The following SOX5 variants were observed in gnomAD, a reference collection of about 807,000 sequenced individuals.
SOX5 encodes SRY-box transcription factor 5, also known as transcription factor SOX-5.
SOX5 carries 9 observed loss-of-function variants against 92.0 expected under a neutral mutation model. The ratio of observed to expected loss-of-function variants is 0.10; its 90% CI spans 0.06 to 0.17. SOX5 has a LOEUF of 0.17. Ranked by LOEUF, SOX5 falls within the 10% of genes least tolerant of loss-of-function variation. The pLI is 1.00. For synonymous variants in SOX5, 344 were observed against 336.3 expected, an observed-to-expected ratio of 1.02 and a Z score of -0.25; for missense variants, 642 against 944.5, an observed-to-expected ratio of 0.68 and a Z score of 4.20.
chr12:23,739,945 T>C (rs867051845), intron 5 of SOX5, among the ~76,000 whole-genome samples: 1 of 152,226 alleles, frequency 6.6e-6, no homozygotes, highest in South Asian at 2.1e-4. Flanking sequence ...TTCTTTCCAC[T>C]AATATTTAAG....
At position 23,787,154 on chromosome 12, in the gene SOX5, G is replaced by A. The variant is rs1342600829; in HGVS notation, c.482-31430C>T. ...CATAATTTCTATACATCTTCAAATTGTAATTTAGAAGCATTAGATACTCAT... is the reference window on the plus strand; with the variant it reads ...CATAATTTCTATACATCTTCAAATTATAATTTAGAAGCATTAGATACTCAT... On this transcript the variant is annotated intron_variant, in intron 3 of 14. Transcript: ENST00000451604. Among the ~76,000 whole-genome samples, 2 of 110,832 alleles carry A rather than the reference G, an allele frequency of 1.8e-5. 1 individual carries two copies. The highest frequency in any genetic ancestry group is 4.1e-5 in the Non-Finnish European group (2 of 48,476). 72.7% of individuals were successfully genotyped at this position (110,832 alleles called of 152,430 possible).
At chr12:24,363,737 T>C (rs1159111966) in intron 2 of SOX5, among the ~76,000 whole-genome samples, 1 of 151,670 alleles carries the variant, frequency 6.6e-6, no homozygotes, top group Non-Finnish European at 1.5e-5. Context: ...AAAGTCTGAT[T>C]CATCTTAGGT....
chr12:24,340,197 G>C (rs559588725), intron 2 of SOX5, among the ~76,000 whole-genome samples: 2 of 152,088 alleles, frequency 1.3e-5, no homozygotes, highest in Non-Finnish European at 2.9e-5. Context: ...ACATACAAAC[G>C]TTTTTTTCTG....
intron 9 of SOX5, among the ~76,000 whole-genome samples, chr12:23,585,050 T>C (rs1330267859): frequency 1.3e-5 from 2 of 152,124 alleles, no homozygotes; most frequent in African/African-American, 2.4e-5. Context: ...GATTAATCAA[T>C]AACTAACTCG....
At chr12:23,620,457 C>A (rs1349179967) in intron 8 of SOX5, among the ~76,000 whole-genome samples, 1 of 151,944 alleles carries the variant, frequency 6.6e-6, no homozygotes, top group African/African-American at 2.4e-5. Context: ...CAGAATAAAT[C>A]TATATATATA....
intron 1 of SOX5, among the ~76,000 whole-genome samples, chr12:24,375,650 C>A (rs1427173526): frequency 6.6e-6 from 1 of 150,382 alleles, no homozygotes; most frequent in Non-Finnish European, 1.5e-5. Context: ...GCAGGAGAAT[C>A]GCTTGAACCC....
At chr12:24,493,722 G>A (rs1469114787) in intron 1 of SOX5, among the ~76,000 whole-genome samples, 1 of 152,032 alleles carries the variant, frequency 6.6e-6, no homozygotes, top group African/African-American at 2.4e-5. Context: ...AAATTAGCCG[G>A]GTGTGGTGGT....
intron 2 of SOX5, among the ~76,000 whole-genome samples, chr12:23,856,425 T>C (rs757780781): frequency 1.3e-5 from 2 of 152,140 alleles, no homozygotes; most frequent in African/African-American, 4.8e-5. Flanking sequence ...TTAAAGGCAC[T>C]GTTGCAAATG....
chr12:23,871,963 A>G (rs1331350618), intron 2 of SOX5, among the ~76,000 whole-genome samples: 4 of 150,730 alleles, frequency 2.7e-5, no homozygotes, highest in African/African-American at 9.7e-5. Context: ...GCAAAGCTCC[A>G]TTTAACACAA....
intron 3 of SOX5, among the ~76,000 whole-genome samples, chr12:23,805,088 T>A (rs1163591967): frequency 6.6e-6 from 1 of 150,994 alleles, no homozygotes; most frequent in African/African-American, 2.4e-5. Flanking sequence ...ATCTGTGGAA[T>A]GAAAGAAGGA....
chr12:24,242,896 G>A (rs1188860950), intron 3 of SOX5, among the ~76,000 whole-genome samples: 1 of 152,096 alleles, frequency 6.6e-6, no homozygotes, highest in Non-Finnish European at 1.5e-5. Flanking sequence ...AAGTGTATAT[G>A]TACAAAAATA....
intron 3 of SOX5, among the ~76,000 whole-genome samples, chr12:24,271,628 C>A (rs896856545): frequency 6.6e-6 from 1 of 152,212 alleles, no homozygotes; most frequent in East Asian, 1.9e-4. Flanking sequence ...ACTTAGGTTT[C>A]GGCCAACTAA....
In SOX5 at chr12:23,599,792, A is replaced by G. The variant is rs954047374; in HGVS notation, c.1164+4595T>C. The stretch of plus-strand genomic sequence containing the variant: ...GAGCTGTGTGTGAAACTGAGTCTAA[A>G]TACTCTTCCTCCTAAAATAACTCTT... On this transcript the variant is annotated intron_variant, in intron 9 of 14. Transcript: ENST00000451604. Among the ~76,000 whole-genome samples, 3 of 149,202 alleles carry G rather than the reference A, an allele frequency of 2.0e-5. No individual in the cohort carries two copies. In the East Asian group the frequency reaches 5.8e-4, roughly 29 times the overall value.
intron 1 of SOX5, among the ~76,000 whole-genome samples, chr12:23,945,101 G>A (rs555083876): frequency 6.6e-6 from 1 of 152,224 alleles, no homozygotes; most frequent in Non-Finnish European, 1.5e-5. Flanking sequence ...ATAGTGGAGA[G>A]AAAACAGACA....
chr12:23,561,217 A>T (rs1946137906), intron 11 of SOX5, among the ~76,000 whole-genome samples: 1 of 152,218 alleles, frequency 6.6e-6, no homozygotes, highest in Non-Finnish European at 1.5e-5. Context: ...AAATTGAAGC[A>T]GTAGCTATCA....
At chr12:23,980,306 T>C (rs946006614) in intron 4 of SOX5, among the ~76,000 whole-genome samples, 4 of 152,192 alleles carry the variant, frequency 2.6e-5, no homozygotes, top group Admixed American at 2.6e-4. Flanking sequence ...AAGTATCTTT[T>C]TTCTTCCTAA....
rs147196646 is a variant in SOX5 at position 23,939,099 on chromosome 12, T to C, written c.38+10465A>G. Among the ~76,000 whole-genome samples, 6 of 151,184 alleles carry C rather than the reference T, an allele frequency of 4.0e-5. No individual in the cohort carries two copies. The South Asian group carries it at 6.2e-4, about 16-fold the overall frequency. On this transcript the variant is annotated intron_variant, in intron 1 of 14. Coordinates refer to ENST00000451604, the MANE Select transcript of SOX5 (RefSeq NM_006940.6). ...TTGCATTGGGGGATAAATAATTTTA[T>C]ATTTATTTTTAAGTCCATTCATAGA... is the stretch of plus-strand genomic sequence containing the variant.
chr12:23,618,073 G>C (rs1055325817), intron 8 of SOX5, among the ~76,000 whole-genome samples: 2 of 152,104 alleles, frequency 1.3e-5, no homozygotes, highest in African/African-American at 4.8e-5. Flanking sequence ...ATCTATTCCT[G>C]AGGTCACCAA....
At chr12:23,630,965 G>A (rs1216433496) in intron 8 of SOX5, among the ~76,000 whole-genome samples, 3 of 151,896 alleles carry the variant, frequency 2.0e-5, no homozygotes, top group Non-Finnish European at 2.9e-5. Context: ...ATTTGTGTGT[G>A]TGTATCTATA....
Sources: allele counts gnomAD v4.1 joint callset (sites outside exome capture counted in the v4.1 genomes callset), GRCh38; gene constraint gnomAD v4.1.1; transcripts MANE v1.5; gene names NCBI Gene and HGNC (gene_info 2026-07-23, HGNC 2026-07-21).